Variants in KCNK12 observed in about 807,000 individuals in gnomAD.
The protein encoded by KCNK12 is potassium channel subfamily K member 12.
In KCNK12, 6 loss-of-function variants were observed where a neutral mutation model predicts 25.3. The observed-to-expected ratio is 0.24, with a 90% CI of 0.13 to 0.47. KCNK12 has a LOEUF of 0.47. Among genes scored for constraint, KCNK12 ranks in the 20% least tolerant of loss-of-function variants. The pLI is 0.99. For missense variants in KCNK12, 444 were observed against 661.7 expected (o/e 0.67, Z 3.61); for synonymous variants, 331 against 311.1 (o/e 1.06, Z -0.67).
intron 1 of KCNK12, among the ~76,000 whole-genome samples, chr2:47,559,566 C>G (rs1669621846): frequency 6.6e-6 from 1 of 152,182 alleles, no homozygotes. Flanking sequence ...CAATGCATAG[C>G]TGCTGCCATG....
rs769742639 is a variant in KCNK12, at chr2:47,521,229, G to A, written c.971C>T (p.Ala324Val). Residue 324 changes from alanine (A) to valine (V), a missense_variant, in exon 2 of 2, where the codon GCT becomes GTT. By Grantham distance (64) the Ala-to-Val change is moderately conservative. Transcript: ENST00000327876. ...GCGCCGGGCCAGGGGCGCGCCAGGA[G>A]CCGGGCAGCAGCGCGCGCAGCAGCG... ...SCRCCARCCPAPGAPLARRNA... is the reference protein window; with the variant it reads ...SCRCCARCCPVPGAPLARRNA... 1.8e-5 allele frequency: 29 copies of A among 1,596,164 alleles called. No individual in the cohort carries two copies. Among genetic ancestry groups the A allele is most frequent in the Non-Finnish European group, 2.4e-5 (28 of 1,171,778 alleles).
Position 47,548,386 on chromosome 2 carries a change from A to G in KCNK12, c.391+21555T>C, listed in dbSNP as rs1669357869. On this transcript the variant is annotated intron_variant, in intron 1 of 1. Coordinates refer to ENST00000327876, the MANE Select transcript of KCNK12 (RefSeq NM_022055.2). This position sits in a 1 kb window ranked among gnomAD's most constrained non-coding sequence, Gnocchi z 4.4. Reference sequence around the variant, plus strand: ...GTGGAAAAGTCATTTCAGAATTAACATTTCCAAAACCAAGCTCTTGATTCT... The same window carrying G: ...GTGGAAAAGTCATTTCAGAATTAACGTTTCCAAAACCAAGCTCTTGATTCT... Among the ~76,000 whole-genome samples the G allele has an allele frequency of 1.3e-5, 2 of 152,140 alleles. No homozygotes were observed. Among genetic ancestry groups the G allele is most frequent in the African/African-American group, 4.8e-5 (2 of 41,428 alleles).
chr2:47,556,177 G>A lies in KCNK12; in HGVS notation c.391+13764C>T, dbSNP rs553906618. On this transcript the variant is annotated intron_variant, in intron 1 of 1. Coordinates refer to ENST00000327876, the MANE Select transcript of KCNK12 (RefSeq NM_022055.2). The surrounding 1 kb of genome is among the most constrained non-coding windows in gnomAD (Gnocchi z 4.8). ...TCTATTAAGAAGGAAGAATATACAT[G>A]TTTGCATACCGATGGAGTATAAATT... is the stretch of plus-strand genomic sequence containing the variant. Among the ~76,000 whole-genome samples the A allele has an allele frequency of 5.9e-5, 9 of 152,268 alleles. No individual in the cohort carries two copies. In the South Asian group the frequency reaches 1.9e-3, roughly 32 times the overall value.
At chr2:47,537,770 G>C (rs1669108409) in intron 1 of KCNK12, among the ~76,000 whole-genome samples, 1 of 152,198 alleles carries the variant, frequency 6.6e-6, no homozygotes, top group South Asian at 2.1e-4. Flanking sequence ...AAATGAATAA[G>C]ATATGATCCC....
intron 1 of KCNK12, among the ~76,000 whole-genome samples, chr2:47,526,505 G>A (rs1191243904): frequency 6.6e-6 from 1 of 152,010 alleles, no homozygotes; most frequent in Non-Finnish European, 1.5e-5. Context: ...GGCCAAGGTG[G>A]GTGCATCACT....
chr2:47,521,408 G>T lies in KCNK12; in HGVS notation c.792C>A (p.Ser264Arg), dbSNP rs1668652616. 6.2e-7 allele frequency: 1 copy of T among 1,613,348 alleles called. No homozygotes were observed. The highest frequency in any genetic ancestry group is 8.5e-7 in the Non-Finnish European group (1 of 1,179,818). ...FSTIGFGDLVSSQHAAYRNQG... is the reference protein window; with the variant it reads ...FSTIGFGDLVRSQHAAYRNQG... ...GGTTCCGGTAGGCGGCGTGCTGGCT[G>T]CTCACCAGGTCCCCGAAGCCGATGG... The change falls in exon 2 of 2, where the codon AGC (serine) becomes AGA (arginine). Residue 264 changes from serine to arginine, a missense_variant. Coordinates refer to ENST00000327876, the MANE Select transcript of KCNK12 (RefSeq NM_022055.2).
Position 47,515,130 on chromosome 2 carries a change from G to C in KCNK12, c.*5777C>G, listed in dbSNP as rs2104683398. On this transcript the variant is annotated 3_prime_UTR_variant, in exon 2 of 2. Transcript: ENST00000327876. ...GTGCCCATCACATAGCTGGGGCACA[G>C]CTGGAGACCCCAACAGAGAGGAGAG... 6.6e-6 allele frequency among the ~76,000 whole-genome samples: 1 copy of C among 152,304 alleles called. No individual in the cohort carries two copies. The highest frequency in any genetic ancestry group is 2.4e-5 in the African/African-American group (1 of 41,554).
intron 1 of KCNK12, among the ~76,000 whole-genome samples, chr2:47,530,938 A>C (rs1201153953): frequency 6.6e-6 from 1 of 152,222 alleles, no homozygotes; most frequent in African/African-American, 2.4e-5. Flanking sequence ...TAGAGGAAGG[A>C]GCTTGCAATG....
chr2:47,554,133 T>A (rs928816690), intron 1 of KCNK12, among the ~76,000 whole-genome samples: 3 of 152,228 alleles, frequency 2.0e-5, no homozygotes, highest in African/African-American at 7.2e-5. Context: ...ATGGAAGCTT[T>A]GGAAGTTCAT....
At chr2:47,558,951 C>A (rs1047057155) in intron 1 of KCNK12, among the ~76,000 whole-genome samples, 2 of 152,204 alleles carry the variant, frequency 1.3e-5, no homozygotes, top group African/African-American at 4.8e-5. Flanking sequence ...AGAGAAAAGG[C>A]AGAACCACTG....
At position 47,566,661 on chromosome 2, in the gene KCNK12, C is replaced by T. The variant is rs1191079664; in HGVS notation, c.391+3280G>A. 2 of 152,156 alleles carry T rather than the reference C, an allele frequency of 1.3e-5. No homozygotes were observed. Among genetic ancestry groups the T allele is most frequent in the Non-Finnish European group, 2.9e-5 (2 of 68,034 alleles). 9.4% of individuals were successfully genotyped at this position (152,156 alleles called of 1,614,324 possible). The stretch of plus-strand genomic sequence containing the variant: ...TTCTCTGGACTTAATCAGTTGATGA[C>T]GTGACCAATAGACCAGCAGACCAGT... On this transcript the variant is annotated intron_variant, in intron 1 of 1. Transcript: ENST00000327876. The surrounding 1 kb of genome is among the most constrained non-coding windows in gnomAD (Gnocchi z 4.1).
rs1448118986 is a variant in KCNK12, at chr2:47,560,694, G to C, written c.391+9247C>G. Among the ~76,000 whole-genome samples the C allele has an allele frequency of 1.3e-5, 2 of 152,214 alleles. No individual in the cohort carries two copies. The highest frequency in any genetic ancestry group is 4.8e-5 in the African/African-American group (2 of 41,454). The stretch of plus-strand genomic sequence containing the variant: ...CTTTGCTGTCCTAGGATTTTTGGGA[G>C]CTTACTGAGTAAACACAGATAAAAA... On this transcript the variant is annotated intron_variant, in intron 1 of 1. Coordinates refer to ENST00000327876, the MANE Select transcript of KCNK12 (RefSeq NM_022055.2). This position sits in a 1 kb window ranked among gnomAD's most constrained non-coding sequence, Gnocchi z 4.7.
chr2:47,522,321 A>T (rs1668676903), intron 1 of KCNK12, among the ~76,000 whole-genome samples: 1 of 152,220 alleles, frequency 6.6e-6, no homozygotes, highest in Non-Finnish European at 1.5e-5. Context: ...ATCTCTTCAA[A>T]GATATCTAGC....
intron 1 of KCNK12, among the ~76,000 whole-genome samples, chr2:47,541,541 G>A (rs544516338): frequency 6.6e-6 from 1 of 152,188 alleles, no homozygotes; most frequent in East Asian, 1.9e-4. Context: ...GTTCTGCACT[G>A]AACTGTATGC....
rs1054506620 is a variant in KCNK12, at chr2:47,547,158, C to T, written c.391+22783G>A. Among the ~76,000 whole-genome samples, 2 of 152,194 alleles carry T rather than the reference C, an allele frequency of 1.3e-5. No individual in the cohort carries two copies. The highest frequency in any genetic ancestry group is 2.9e-5 in the Non-Finnish European group (2 of 68,038). Reference sequence around the variant, plus strand: ...AAAGCCTGTAAGCCCTCTCTTGCAGCTCCTCCTAGCTTAGCCTCCTTCATC... The same window carrying T: ...AAAGCCTGTAAGCCCTCTCTTGCAGTTCCTCCTAGCTTAGCCTCCTTCATC... On this transcript the variant is annotated intron_variant, in intron 1 of 1. Coordinates refer to ENST00000327876, the MANE Select transcript of KCNK12 (RefSeq NM_022055.2). This position sits in a 1 kb window ranked among gnomAD's most constrained non-coding sequence, Gnocchi z 5.0.
At chr2:47,546,529 C>G (rs1312323286) in intron 1 of KCNK12, among the ~76,000 whole-genome samples, 1 of 152,130 alleles carries the variant, frequency 6.6e-6, no homozygotes, top group Non-Finnish European at 1.5e-5. Flanking sequence ...TGGTAGCGAG[C>G]ACCTATAGTC....
intron 1 of KCNK12, among the ~76,000 whole-genome samples, chr2:47,550,614 C>T (rs1648389185): frequency 6.6e-6 from 1 of 151,962 alleles, no homozygotes; most frequent in African/African-American, 2.4e-5. Flanking sequence ...AACTCCTGAC[C>T]TCAAGTGACC....
At chr2:47,550,317 C>T (rs537555218) in intron 1 of KCNK12, among the ~76,000 whole-genome samples, 1 of 150,492 alleles carries the variant, frequency 6.6e-6, no homozygotes, top group African/African-American at 2.5e-5. Flanking sequence ...GAAGAGAAAT[C>T]TTAACAGCAG....
At position 47,525,402 on chromosome 2, in the gene KCNK12, C is replaced by T. The variant is rs918821928; in HGVS notation, c.392-3594G>A. Among the ~76,000 whole-genome samples the T allele has an allele frequency of 6.6e-6, 1 of 152,196 alleles. No homozygotes were observed. The highest frequency in any genetic ancestry group is 2.4e-5 in the African/African-American group (1 of 41,446). ...GCAGCTCACTTCCTAGCTGGCTGGG[C>T]ACAGCCGCTCACAGGCCTACCCAGA... is the stretch of plus-strand genomic sequence containing the variant. On this transcript the variant is annotated intron_variant, in intron 1 of 1. Transcript: ENST00000327876. This position sits in a 1 kb window ranked among gnomAD's most constrained non-coding sequence, Gnocchi z 4.1.
Sources: allele counts gnomAD v4.1 joint callset (sites outside exome capture counted in the v4.1 genomes callset), GRCh38; gene constraint gnomAD v4.1.1; non-coding constraint Gnocchi (gnomAD v3.1); transcripts MANE v1.5; gene names NCBI Gene and HGNC (gene_info 2026-07-23, HGNC 2026-07-21).